Variants in ESAM observed in about 807,000 individuals in gnomAD.
ESAM encodes endothelial cell-selective adhesion molecule.
In ESAM, 23 loss-of-function variants were observed where a neutral mutation model predicts 31.8. The observed-to-expected ratio is 0.72, with a 90% CI of 0.52 to 1.03. The LOEUF is 1.03. Among genes scored for constraint, ESAM ranks in the 50% least tolerant of loss-of-function variants. The pLI is 0.00. For missense variants in ESAM, 478 were observed against 488.9 expected (o/e 0.98, Z 0.21); for synonymous variants, 216 against 207.2 (o/e 1.04, Z -0.37).
In ESAM at chr11:124,762,248, G is replaced by A; in HGVS notation, c.-94C>T. ...CTGCGCGACGGCCGGAGCGTGCGCG[G>A]GAGCCGAGCCGCTGACACCCAGGGC... On this transcript the variant is annotated 5_prime_UTR_variant, in exon 1 of 7. Transcript: ENST00000278927. This position sits in a 1 kb window ranked among gnomAD's most constrained non-coding sequence, Gnocchi z 6.4. The A allele has an allele frequency of 9.7e-7, 1 of 1,027,264 alleles. No individual in the cohort carries two copies. Among genetic ancestry groups the A allele is most frequent in the Non-Finnish European group, 1.4e-6 (1 of 730,332 alleles). The allele number at this position is 1,027,264 out of a possible 1,614,324, so 63.6% of individuals were successfully genotyped here.
chr11:124,753,652 C>A lies in ESAM; in HGVS notation c.1167G>T (p.Leu389=). 1 of 1,613,540 alleles carries A rather than the reference C, an allele frequency of 6.2e-7. No homozygotes were observed. The highest frequency in any genetic ancestry group is 8.5e-7 in the Non-Finnish European group (1 of 1,180,022). ...CCAATGAGTGGTGGGGTCATCATAC[C>A]AGAGAGCCAGCTTGACTCTGGGCAG... ...MVPAQSQAGS[L]V is the part of the protein sequence containing the mutation. The change falls in exon 7 of 7, where the codon CTG becomes CTT. Residue 389 remains leucine, a synonymous_variant. Coordinates refer to ENST00000278927, the MANE Select transcript of ESAM (RefSeq NM_138961.3).
intron 1 of ESAM, among the ~76,000 whole-genome samples, chr11:124,761,703 T>C (rs1467113768): frequency 1.3e-5 from 2 of 148,544 alleles, no homozygotes; most frequent in African/African-American, 2.5e-5. Flanking sequence ...GGGTCGGGGA[T>C]GAGAGGGGGC....
In ESAM at chr11:124,753,823, G is replaced by A; in HGVS notation, c.996C>T (p.Thr332=). Residue 332 remains threonine (T), a synonymous_variant, in exon 7 of 7, where the codon ACC becomes ACT. Transcript: ENST00000278927. ...PHGPPRPGAL[T]PTPSLSSQAL... ...CCTGGCTGGAGAGACTGGGCGTGGG[G>A]GTCAATGCACCAGGCCTGGGAGGGC... The A allele has an allele frequency of 6.2e-7, 1 of 1,613,608 alleles. No individual in the cohort carries two copies. The highest frequency in any genetic ancestry group is 8.5e-7 in the Non-Finnish European group (1 of 1,179,768).
intron 4 of ESAM, among the ~76,000 whole-genome samples, chr11:124,755,673 C>T (rs1349437983): frequency 6.6e-6 from 1 of 152,170 alleles, no homozygotes; most frequent in African/African-American, 2.4e-5. Context: ...TGATTTCTTT[C>T]TTTTACTTAG....
intron 1 of ESAM, among the ~76,000 whole-genome samples, chr11:124,760,083 AATTC>A (rs1241701955): frequency 6.6e-6 from 1 of 152,194 alleles, no homozygotes; most frequent in Non-Finnish European, 1.5e-5. Context: ...CCACATTTAT[AATTC>A]CACTTTCCAG....
At chr11:124,758,256 T>G in intron 2 of ESAM, 93 bp downstream of exon 2, 4 of 1,414,974 alleles carry the variant, frequency 2.8e-6, no homozygotes, top group Non-Finnish European at 3.9e-6. Context: ...CCGGCCCCCA[T>G]TCCCTCTCCA....
intron 1 of ESAM, 150 bp from the exon 2 acceptor site, chr11:124,758,677 GGT>G: frequency 3.6e-6 from 3 of 845,042 alleles, no homozygotes; most frequent in Non-Finnish European, 5.3e-6. Context: ...GGCCTCAAGG[GGT>G]GCCCAGGGAC....
In ESAM at chr11:124,753,774, T is replaced by C; in HGVS notation, c.1045A>G (p.Thr349Ala). 1 of 1,613,824 alleles carries C rather than the reference T, an allele frequency of 6.2e-7. No homozygotes were observed. The highest frequency in any genetic ancestry group is 8.5e-7 in the Non-Finnish European group (1 of 1,179,908). Residue 349 changes from threonine (T) to alanine (A), a missense_variant, in exon 7 of 7, where the codon ACG (threonine) becomes GCG (alanine). Physicochemically the swap from Thr to Ala is moderately conservative, Grantham distance 58. Coordinates refer to ENST00000278927, the MANE Select transcript of ESAM (RefSeq NM_138961.3). Reference protein sequence around the residue: ...SQALPSPRLPTTDGAHPQPIS... With the variant: ...SQALPSPRLPATDGAHPQPIS... ...GGTTGAGGGTGGGCCCCATCTGTCG[T>C]GGGCAGTCTTGGTGAGGGCAGGGCC...
In ESAM at chr11:124,759,508, GC is replaced by G. The variant is rs1422471478; in HGVS notation, c.71-982del. 1 of 152,336 alleles carries G rather than the reference GC, an allele frequency of 6.6e-6. No homozygotes were observed. Among genetic ancestry groups the G allele is most frequent in the Non-Finnish European group, 1.5e-5 (1 of 68,124 alleles). 9.4% of individuals were successfully genotyped at this position (152,336 alleles called of 1,614,324 possible). A position where few individuals can be genotyped will look rare whatever the true frequency, so the allele number is the denominator to read the frequency against. On this transcript the variant is annotated intron_variant, in intron 1 of 6. Coordinates refer to ENST00000278927, the MANE Select transcript of ESAM (RefSeq NM_138961.3). This position sits in a 1 kb window ranked among gnomAD's most constrained non-coding sequence, Gnocchi z 6.8. ...CGGGCCCTACTCCCTCCAGGCCTCG[GC>G]CCTCTGCCTCGGAGCGGAAGACGCC...
intron 1 of ESAM, among the ~76,000 whole-genome samples, chr11:124,760,104 G>A (rs1336721935): frequency 2.0e-5 from 3 of 152,252 alleles, no homozygotes; most frequent in Admixed American, 2.0e-4. Flanking sequence ...CCAGAAGGTA[G>A]AGGAGAGTTA....
rs146703794 is a variant in ESAM at position 124,753,874 on chromosome 11, G to A, written c.945C>T (p.Ser315=). The change falls in exon 7 of 7, where the codon TCC becomes TCT. Residue 315 remains serine (S), a synonymous_variant. Transcript: ENST00000278927. The part of the protein sequence containing the change: ...SKNGTLSSVT[S]ARALRPPHGP... ...CATGGGGTGGCCGGAGGGCTCGTGC[G>A]GAGGTGACAGAGGAAAGGGTCCCAT... 20 of 1,613,954 alleles carry A rather than the reference G, an allele frequency of 1.2e-5. No individual in the cohort carries two copies. The highest frequency in any genetic ancestry group is 2.7e-5 in the African/African-American group (2 of 74,918).
chr11:124,754,063 A>G lies in ESAM; in HGVS notation c.858-102T>C. ...TATACCACCTCTGCCTGCACACTTC[A>G]GTACTCCTTTCCCTCTCCCTTAAAA... On this transcript the variant is annotated intron_variant, in intron 6 of 6. Transcript: ENST00000278927. This position sits in a 1 kb window ranked among gnomAD's most constrained non-coding sequence, Gnocchi z 4.5. 1 of 1,552,304 alleles carries G rather than the reference A, an allele frequency of 6.4e-7. No homozygotes were observed. Among genetic ancestry groups the G allele is most frequent in the Non-Finnish European group, 8.7e-7 (1 of 1,142,966 alleles).
In ESAM at chr11:124,756,218, G is replaced by T; in HGVS notation, c.596C>A (p.Ala199Glu). The change falls in exon 4 of 7, where the codon GCA becomes GAA. Residue 199 changes from alanine to glutamate, a missense_variant. Coordinates refer to ENST00000278927, the MANE Select transcript of ESAM (RefSeq NM_138961.3). Reference sequence around the variant, plus strand: ...AGTAGTGTCCTCACCTAATGCTGGTGCAAAGAAAGTCTGGAAGGATGGAAG... The same window carrying T: ...AGTAGTGTCCTCACCTAATGCTGGTTCAAAGAAAGTCTGGAAGGATGGAAG... The part of the protein sequence containing the change: ...RQLPSFQTFF[A>E]PALDVIRGSL... The T allele has an allele frequency of 6.2e-7, 1 of 1,613,796 alleles. No homozygotes were observed.
intron 2 of ESAM, chr11:124,757,164 GT>G (rs1333866183): frequency 1.0e-5 from 2 of 196,106 alleles, no homozygotes; most frequent in African/African-American, 2.4e-5. Context: ...GGCTGGGCAC[GT>G]TGCCTCATGC....
intron 2 of ESAM, among the ~76,000 whole-genome samples, chr11:124,758,024 G>A (rs1221415091): frequency 1.3e-5 from 2 of 152,070 alleles, no homozygotes; most frequent in East Asian, 1.9e-4. Flanking sequence ...TTTATAAGTC[G>A]TGTGTGTTAC....
intron 3 of ESAM, 77 bp from the exon 4 acceptor site, chr11:124,756,439 C>T (rs972113305): frequency 6.9e-5 from 109 of 1,579,266 alleles, no homozygotes; most frequent in African/African-American, 6.9e-4. Context: ...ACCCTTCTGT[C>T]GCTTCATTTG....
rs1441029048 is a variant in ESAM at position 124,753,552 on chromosome 11, G to A, written c.*94C>T. ...GGGCAGAGTACTAAGGGTCAGGAGT[G>A]TGACTCTTTCCCATGACTCAGGCCT... On this transcript the variant is annotated 3_prime_UTR_variant, in exon 7 of 7. Transcript: ENST00000278927. The A allele has an allele frequency of 2.9e-6, 4 of 1,397,588 alleles. No individual in the cohort carries two copies. The highest frequency in any genetic ancestry group is 4.0e-6 in the Non-Finnish European group (4 of 1,011,154). The allele number at this position is 1,397,588 out of a possible 1,614,324, so 86.6% of individuals were successfully genotyped here. A position where few individuals can be genotyped will look rare whatever the true frequency, so the allele number is the denominator to read the frequency against.
intron 1 of ESAM, 80 bp from the exon 2 acceptor site, chr11:124,758,607 A>G: frequency 1.4e-6 from 2 of 1,417,680 alleles, no homozygotes; most frequent in Non-Finnish European, 9.2e-7. Context: ...CGGCTTCACC[A>G]GAGAGCGAGG....
At chr11:124,756,402 C>A (rs1024239823) in intron 3 of ESAM, 40 bp from the exon 4 acceptor site, 13 of 1,564,244 alleles carry the variant, frequency 8.3e-6, no homozygotes, top group African/African-American at 1.5e-5. Flanking sequence ...ACCCAGGAGA[C>A]CCACAGATCC....
Sources: gnomAD v4.1 joint callset for allele counts (sites outside exome capture counted in the v4.1 genomes callset) on GRCh38, gnomAD v4.1.1 for gene constraint, Gnocchi (gnomAD v3.1) non-coding constraint, MANE v1.5 for transcripts, NCBI Gene and HGNC (gene_info 2026-07-23, HGNC 2026-07-21) for gene names.